The following CFAP54 variants were observed in gnomAD, a reference collection of about 807,000 sequenced individuals.
CFAP54 encodes cilia- and flagella-associated protein 54.
Under a neutral mutation model 370.4 loss-of-function variants are expected in CFAP54, and 290 were observed. That is an observed-to-expected ratio of 0.78 (90% CI 0.71 to 0.86). The LOEUF is 0.86. Ranked by LOEUF, CFAP54 falls within the 40% of genes least tolerant of loss-of-function variation. CFAP54 has a pLI of 0.00. For missense variants in CFAP54, 3,399 were observed against 3,528.7 expected (o/e 0.96, Z 0.93); for synonymous variants, 1,206 against 1,236.5 (o/e 0.98, Z 0.52).
intron 36 of CFAP54, among the ~76,000 whole-genome samples, chr12:96,654,832 ATTTTTT>A (rs10631171): frequency 7.6e-6 from 1 of 132,064 alleles, no homozygotes; most frequent in Non-Finnish European, 1.6e-5. Context: ...ATTTCACTTA[ATTTTTT>A]TTTTTTTTTT....
intron 67 of CFAP54, among the ~76,000 whole-genome samples, chr12:96,870,264 A>T (rs7954143): frequency 7.0e-6 from 1 of 143,426 alleles, no homozygotes; most frequent in African/African-American, 2.7e-5. Flanking sequence ...CATCTCAAAG[A>T]AAAAAAAAAA....
chr12:96,676,114 T>C (rs1592703206), intron 39 of CFAP54, among the ~76,000 whole-genome samples: 1 of 152,244 alleles, frequency 6.6e-6, no homozygotes, highest in East Asian at 1.9e-4. Flanking sequence ...CCAGTAGTCA[T>C]GATGTGAGTC....
At chr12:96,689,869 A>G (rs553938643) in intron 43 of CFAP54, among the ~76,000 whole-genome samples, 1 of 152,296 alleles carries the variant, frequency 6.6e-6, no homozygotes, top group East Asian at 1.9e-4. Flanking sequence ...TCTGTGTATC[A>G]GAGAAGTCTC....
chr12:96,651,979 A>G (rs1278625628), intron 36 of CFAP54, among the ~76,000 whole-genome samples, 164 bp downstream of exon 36: 1 of 151,956 alleles, frequency 6.6e-6, no homozygotes, highest in Non-Finnish European at 1.5e-5. Context: ...ACTTGCATTG[A>G]TGTTAACTAA....
chr12:96,620,486 G>C (rs181399957), intron 26 of CFAP54, among the ~76,000 whole-genome samples: 1 of 152,316 alleles, frequency 6.6e-6, no homozygotes, highest in Admixed American at 6.5e-5. Context: ...CCGTGATTGT[G>C]AGGCCTCCCC....
Position 96,519,827 on chromosome 12 carries a change from C to T in CFAP54, c.942+756C>T, listed in dbSNP as rs548477549. On this transcript the variant is annotated intron_variant, in intron 6 of 67. Coordinates refer to ENST00000524981, the MANE Select transcript of CFAP54 (RefSeq NM_001306084.2). Reference sequence around the variant, plus strand: ...ACTAGTAATTTTGAAATATGCAATACGTTATTGTTAACTATGATCACCATG... The same window carrying T: ...ACTAGTAATTTTGAAATATGCAATATGTTATTGTTAACTATGATCACCATG... Among the ~76,000 whole-genome samples the T allele has an allele frequency of 5.3e-5, 8 of 152,222 alleles. No homozygotes were observed. In the East Asian group the frequency reaches 1.3e-3, roughly 26 times the overall value.
At chr12:96,793,836 G>T (rs1026908380) in intron 63 of CFAP54, among the ~76,000 whole-genome samples, 1 of 151,992 alleles carries the variant, frequency 6.6e-6, no homozygotes, top group African/African-American at 2.4e-5. Context: ...TTTCATGTTT[G>T]TTGGCCATTT....
At chr12:96,720,708 TC>T (rs1957740768) in intron 50 of CFAP54, 143 bp downstream of exon 50, 1 of 695,010 alleles carries the variant, frequency 1.4e-6, no homozygotes, top group Non-Finnish European at 2.0e-6. Context: ...AGGGAAGTTT[TC>T]ATACATGATT....
intron 9 of CFAP54, among the ~76,000 whole-genome samples, chr12:96,529,898 CAGCT>C (rs1290915256): frequency 6.6e-6 from 1 of 152,110 alleles, no homozygotes; most frequent in Non-Finnish European, 1.5e-5. Flanking sequence ...TAAGAAGTTT[CAGCT>C]ACCCCAATGT....
chr12:96,864,117 T>A (rs868836443), intron 67 of CFAP54, among the ~76,000 whole-genome samples: 3 of 152,242 alleles, frequency 2.0e-5, no homozygotes, highest in Non-Finnish European at 4.4e-5. Flanking sequence ...AGAGTTTTTT[T>A]AAAGACCAAA....
rs949825902 is a variant in CFAP54 at position 96,622,259 on chromosome 12, C to G, written c.3771+538C>G. On this transcript the variant is annotated intron_variant, in intron 27 of 67. Transcript: ENST00000524981. ...CAAGAACTTATGCTTATTGCCTTTC[C>G]TTGAAACTATGTAGTTTTGTAGATC... 3.9e-5 allele frequency among the ~76,000 whole-genome samples: 6 copies of G among 152,114 alleles called. 1 individual carries two copies. Among genetic ancestry groups the G allele is most frequent in the Admixed American group, 3.9e-4 (6 of 15,250 alleles).
intron 65 of CFAP54, among the ~76,000 whole-genome samples, chr12:96,828,196 A>T (rs894973440): frequency 6.7e-6 from 1 of 150,222 alleles, no homozygotes; most frequent in Admixed American, 6.8e-5. Flanking sequence ...CTTCAGTTGT[A>T]AGTGAGGAAA....
intron 47 of CFAP54, among the ~76,000 whole-genome samples, chr12:96,706,373 C>A (rs561789207): frequency 6.6e-6 from 1 of 151,864 alleles, no homozygotes; most frequent in Non-Finnish European, 1.5e-5. Flanking sequence ...TGTAAATAGA[C>A]CTGAAACAGC....
intron 1 of CFAP54, among the ~76,000 whole-genome samples, chr12:96,490,268 G>A (rs1036729256): frequency 6.6e-6 from 1 of 152,174 alleles, no homozygotes; most frequent in Non-Finnish European, 1.5e-5. Flanking sequence ...GTAATAACAT[G>A]GTGATAGAAC....
At chr12:96,852,235 A>G (rs1959565747) in intron 66 of CFAP54, among the ~76,000 whole-genome samples, 1 of 152,112 alleles carries the variant, frequency 6.6e-6, no homozygotes, top group African/African-American at 2.4e-5. Flanking sequence ...ATAACACTGC[A>G]TGAGATTGCT....
chr12:96,809,623 T>C (rs752486537), intron 63 of CFAP54, among the ~76,000 whole-genome samples: 3 of 152,194 alleles, frequency 2.0e-5, no homozygotes, highest in Non-Finnish European at 2.9e-5. Flanking sequence ...ATTTCCCTTC[T>C]GTTAGTTTTA....
At chr12:96,759,710 C>T (rs894401864) in intron 58 of CFAP54, among the ~76,000 whole-genome samples, 2 of 152,142 alleles carry the variant, frequency 1.3e-5, no homozygotes, top group South Asian at 4.1e-4. Context: ...GGTTTGAATC[C>T]TAGCTTCACA....
chr12:96,497,428 AG>A (rs1327036213), intron 1 of CFAP54, among the ~76,000 whole-genome samples: 1 of 152,248 alleles, frequency 6.6e-6, no homozygotes, highest in Non-Finnish European at 1.5e-5. Context: ...CATTGGTGAA[AG>A]AATAGACAAA....
In CFAP54 at chr12:96,700,056, C is replaced by T. The variant is rs369954674; in HGVS notation, c.6437C>T (p.Pro2146Leu). The T allele has an allele frequency of 3.4e-5, 55 of 1,609,032 alleles. No individual in the cohort carries two copies. Among genetic ancestry groups the T allele is most frequent in the Non-Finnish European group, 4.2e-5 (50 of 1,178,300 alleles). The change falls in exon 46 of 68, where the codon CCA (proline) becomes CTA (leucine). Residue 2146 changes from proline to leucine, a missense_variant. Coordinates refer to ENST00000524981, the MANE Select transcript of CFAP54 (RefSeq NM_001306084.2). ...TTCTATGGAAAAAACATGCCTTGTC[C>T]AATACCTGCAGGCTATAAAGCCACT... ...QIFYGKNMPC[P>L]IPAGYKATGK...
Sources: gnomAD v4.1 joint callset for allele counts (sites outside exome capture counted in the v4.1 genomes callset) on GRCh38, gnomAD v4.1.1 for gene constraint, MANE v1.5 for transcripts, NCBI Gene and HGNC (gene_info 2026-07-23, HGNC 2026-07-21) for gene names.